The following MPRIP variants were observed in gnomAD, a reference collection of about 807,000 sequenced individuals.
MPRIP encodes the protein myosin phosphatase Rho interacting protein, also known as myosin phosphatase Rho-interacting protein.
In MPRIP, 59 loss-of-function variants were observed where a neutral mutation model predicts 234.9. The ratio of observed to expected loss-of-function variants is 0.25; its 90% CI spans 0.20 to 0.31. MPRIP has a LOEUF of 0.31. MPRIP is among the 10% of genes least tolerant of loss of function. MPRIP has a pLI of 1.00. For missense variants in MPRIP, 2,436 were observed against 3,071.0 expected (o/e 0.79, Z 4.89); for synonymous variants, 1,144 against 1,263.9 (o/e 0.91, Z 2.01).
At chr17:17,181,784 C>T (rs2046378929) in intron 23 of MPRIP, 1 of 152,172 alleles carries the variant, frequency 6.6e-6, no homozygotes, top group African/African-American at 2.4e-5. Flanking sequence ...TCCAGGGAGG[C>T]TGTGCAACAC....
chr17:17,096,388 C>T (rs74668400), intron 3 of MPRIP, among the ~76,000 whole-genome samples: 6,146 of 149,508 alleles, frequency 0.041, 216 homozygotes, highest in East Asian at 0.13. Context: ...TGTGTGTTGG[C>T]ATCCTGCATT....
intron 3 of MPRIP, among the ~76,000 whole-genome samples, chr17:17,091,779 G>C (rs2089724483): frequency 6.6e-6 from 1 of 152,216 alleles, no homozygotes; most frequent in Non-Finnish European, 1.5e-5. Flanking sequence ...AGTGGGAGAG[G>C]TGGGATGTGT....
chr17:17,150,134 C>G lies in MPRIP; in HGVS notation c.1630-10C>G, dbSNP rs761367303. ...TAAAAATCTCAAGACATTCTCACTT[C>G]CCTCGGCAGGCAGCCGACTTGGATG... On this transcript the variant is annotated splice_polypyrimidine_tract_variant and intron_variant, in intron 11 of 23. Coordinates refer to ENST00000651222, the MANE Select transcript of MPRIP (RefSeq NM_001364716.4). 10 of 1,608,474 alleles carry G rather than the reference C, an allele frequency of 6.2e-6. No homozygotes were observed. Among genetic ancestry groups the G allele is most frequent in the Non-Finnish European group, 8.5e-6 (10 of 1,175,306 alleles).
intron 3 of MPRIP, among the ~76,000 whole-genome samples, chr17:17,088,638 A>C (rs75229214): frequency 1.3e-5 from 2 of 151,802 alleles, no homozygotes; most frequent in South Asian, 4.2e-4. Context: ...CATCCCTTCC[A>C]CTCTCACCTT....
At chr17:17,067,116 C>T (rs1961700249) in intron 1 of MPRIP, among the ~76,000 whole-genome samples, 1 of 152,102 alleles carries the variant, frequency 6.6e-6, no homozygotes, top group Non-Finnish European at 1.5e-5. Context: ...GTAACATTTG[C>T]AGTTCGAGGT....
chr17:17,162,457 TCTC>T (rs762551917), intron 15 of MPRIP, among the ~76,000 whole-genome samples: 2 of 152,324 alleles, frequency 1.3e-5, no homozygotes, highest in Non-Finnish European at 2.9e-5. Context: ...TGCTGTTTCT[TCTC>T]CTGTGTGCTC....
At chr17:17,084,309 G>T (rs1225909343) in intron 3 of MPRIP, among the ~76,000 whole-genome samples, 1 of 152,214 alleles carries the variant, frequency 6.6e-6, no homozygotes, top group African/African-American at 2.4e-5. Context: ...TCTTAAAGGC[G>T]GTGGGTGGTT....
At chr17:17,180,505 G>C in intron 23 of MPRIP, 1 of 1,074,406 alleles carries the variant, frequency 9.3e-7, no homozygotes, top group Non-Finnish European at 1.5e-6. Flanking sequence ...TTAGTGTGCT[G>C]TCCAGAGCCA....
In MPRIP at chr17:17,141,119, G is replaced by A. The variant is rs574050299; in HGVS notation, c.1251-1508G>A. Among the ~76,000 whole-genome samples, 254 of 152,286 alleles carry A rather than the reference G, an allele frequency of 1.7e-3. 1 individual carries two copies. The highest frequency in any genetic ancestry group is 1.1e-3 in the African/African-American group (44 of 41,552). On this transcript the variant is annotated intron_variant, in intron 7 of 23. Transcript: ENST00000651222. ...TCTGTCTGGATCCCCACAGTACCAC[G>A]GCATGCGATTTGCATGAGGTTAAAG...
intron 3 of MPRIP, among the ~76,000 whole-genome samples, chr17:17,079,097 G>A (rs890494405): frequency 7.9e-5 from 12 of 152,140 alleles, no homozygotes; most frequent in Non-Finnish European, 1.6e-4. Flanking sequence ...GGATTTTTGG[G>A]TGGTCATTAC....
intron 1 of MPRIP, among the ~76,000 whole-genome samples, chr17:17,061,765 C>T (rs949993700): frequency 1.3e-5 from 2 of 152,122 alleles, no homozygotes; most frequent in African/African-American, 2.4e-5. Context: ...GTTTGGGTGC[C>T]TGCCCCACCC....
At chr17:17,169,986 A>G (rs2046095424) in intron 16 of MPRIP, 1 of 152,144 alleles carries the variant, frequency 6.6e-6, no homozygotes, top group South Asian at 2.1e-4. Context: ...TCTTACCTGC[A>G]TAATATTCCA....
At chr17:17,133,351 T>C (rs935852607) in intron 5 of MPRIP, among the ~76,000 whole-genome samples, 1 of 152,194 alleles carries the variant, frequency 6.6e-6, no homozygotes, top group African/African-American at 2.4e-5. Context: ...GCCATCTCTT[T>C]GTCAAGTCAG....
At chr17:17,111,606 G>A (rs1486877518) in intron 3 of MPRIP, among the ~76,000 whole-genome samples, 1 of 152,234 alleles carries the variant, frequency 6.6e-6, no homozygotes, top group Non-Finnish European at 1.5e-5. Context: ...AACAGCTGTG[G>A]AGAGTGAAGC....
intron 1 of MPRIP, among the ~76,000 whole-genome samples, chr17:17,063,645 C>G (rs1439836803): frequency 1.3e-5 from 2 of 152,198 alleles, no homozygotes; most frequent in African/African-American, 4.8e-5. Context: ...TTTCTCCCCA[C>G]CCACTGCAGT....
At chr17:17,110,418 T>C (rs1295569146) in intron 3 of MPRIP, among the ~76,000 whole-genome samples, 3 of 152,180 alleles carry the variant, frequency 2.0e-5, no homozygotes, top group African/African-American at 7.2e-5. Flanking sequence ...AAGGAAATCA[T>C]TTAGTAAAGA....
chr17:17,113,158 A>C (rs562882326), intron 3 of MPRIP, among the ~76,000 whole-genome samples: 1 of 152,032 alleles, frequency 6.6e-6, no homozygotes, highest in African/African-American at 2.4e-5. Flanking sequence ...TCTTCCACTG[A>C]TTGGTATCCC....
At position 17,138,069 on chromosome 17, in the gene MPRIP, A is replaced by G. The variant is rs528520686; in HGVS notation, c.890A>G (p.Asn297Ser). 1.4e-5 allele frequency: 22 copies of G among 1,595,616 alleles called. No homozygotes were observed. The highest frequency in any genetic ancestry group is 3.3e-4 in the Middle Eastern group (2 of 5,972). Residue 297 changes from asparagine (N) to serine (S), a missense_variant, in exon 7 of 24, where the codon AAC becomes AGC. Transcript: ENST00000651222. The surrounding 1 kb of genome is among the most constrained non-coding windows in gnomAD (Gnocchi z 5.8). ...TCCCCTCCCAGCCCCAGCACCCCCA[A>G]CCACAGGTACAGTTGCCCCGAGTCG... ...PLSPPSPSTP[N>S]HRYSCPESPS...
chr17:17,191,385 G>GAAAC lies in MPRIP; in HGVS notation c.*6492_*6493insAACA, dbSNP rs2046583399. On this transcript the variant is annotated 3_prime_UTR_variant, in exon 24 of 24. Transcript: ENST00000651222. ...CTGGGCAGGGCTCTGTGGAGCACTG[G>GAAAC]AGCTGTTTGGATTCCCCAGCCCTTT... The GAAAC allele has an allele frequency of 6.6e-6, 1 of 152,238 alleles. No homozygotes were observed. Among genetic ancestry groups the GAAAC allele is most frequent in the East Asian group, 1.9e-4 (1 of 5,206 alleles). The allele number at this position is 152,238 out of a possible 1,614,324, so 9.4% of individuals were successfully genotyped here. A position where few individuals can be genotyped will look rare whatever the true frequency, so the allele number is the denominator to read the frequency against.
Sources: allele counts gnomAD v4.1 joint callset (sites outside exome capture counted in the v4.1 genomes callset), GRCh38; gene constraint gnomAD v4.1.1; non-coding constraint Gnocchi (gnomAD v3.1); transcripts MANE v1.5; gene names NCBI Gene and HGNC (gene_info 2026-07-23, HGNC 2026-07-21).